The following ASPM variants were observed in gnomAD, a reference collection of about 807,000 sequenced individuals.
ASPM encodes assembly factor for spindle microtubules.
In ASPM, 256 loss-of-function variants were observed where a neutral mutation model predicts 366.4. The observed-to-expected ratio is 0.70, with a 90% CI of 0.63 to 0.77. ASPM has a LOEUF of 0.77. Ranked by LOEUF, ASPM falls within the 30% of genes least tolerant of loss-of-function variation. The probability of loss-of-function intolerance (pLI) is 0.00; values close to 1 mark genes in which losing one functional copy is unlikely to be tolerated. For missense variants in ASPM, 4,146 were observed against 4,090.4 expected (o/e 1.01, Z -0.37); for synonymous variants, 1,414 against 1,342.9 (o/e 1.05, Z -1.16).
chr1:197,132,644 C>T (rs1658297432), intron 6 of ASPM, among the ~76,000 whole-genome samples: 1 of 151,590 alleles, frequency 6.6e-6, no homozygotes, highest in Non-Finnish European at 1.5e-5. Flanking sequence ...GCATTATCCA[C>T]AATATCCAAG....
Position 197,102,112 on chromosome 1 carries a change from T to C in ASPM, c.7139A>G (p.His2380Arg), listed in dbSNP as rs1037713445. Residue 2380 changes from histidine (H) to arginine (R), a missense_variant, in exon 18 of 28, where the codon CAT becomes CGT. His to Arg is a conservative substitution (Grantham distance 29). Coordinates refer to ENST00000367409, the MANE Select transcript of ASPM (RefSeq NM_018136.5). ...ANRAAKLQRQ[H>R]YLRQRHSAVI... is the part of the protein sequence containing the mutation. ...AGCAGAGTGTCTTTGTCTGAGATAA[T>C]GCTGCCTCTGCAGTTTTGCAGCTCT... 1 of 1,612,982 alleles carries C rather than the reference T, an allele frequency of 6.2e-7. No individual in the cohort carries two copies. The highest frequency in any genetic ancestry group is 8.5e-7 in the Non-Finnish European group (1 of 1,179,290).
In ASPM at chr1:197,143,434, T is replaced by C. The variant is rs2125114508; in HGVS notation, c.818A>G (p.Glu273Gly). 9 of 1,614,058 alleles carry C rather than the reference T, an allele frequency of 5.6e-6. No homozygotes were observed. Among genetic ancestry groups the C allele is most frequent in the Non-Finnish European group, 7.6e-6 (9 of 1,179,904 alleles). ...AAAGGAAGTTTCAGTTACAGCTTTC[T>C]CATTAAAAGAAACTTTTGAAACGTT... is the stretch of plus-strand genomic sequence containing the variant. ...SANVSKVSFN[E>G]KAVTETSFNS... Residue 273 changes from glutamate to glycine, a missense_variant, in exon 3 of 28, where the codon GAG (glutamate) becomes GGG (glycine). Physicochemically the swap from Glu to Gly is moderately conservative, Grantham distance 98. Around this residue, in one of 3 missense-constraint regions of ASPM, gnomAD observed 512 missense variants for 471.7 expected, o/e 1.09. Coordinates refer to ENST00000367409, the MANE Select transcript of ASPM (RefSeq NM_018136.5).
chr1:197,125,233 G>A (rs375815194), intron 10 of ASPM, 42 bp from the exon 11 acceptor site: 75 of 1,606,692 alleles, frequency 4.7e-5, no homozygotes, highest in Non-Finnish European at 5.6e-5. Context: ...TCATAAAAAC[G>A]TATATGAAAA....
chr1:197,099,486 A>G (rs1193245959), intron 18 of ASPM, among the ~76,000 whole-genome samples: 2 of 151,612 alleles, frequency 1.3e-5, no homozygotes, highest in Non-Finnish European at 3.0e-5. Context: ...TCAGTGTAAC[A>G]TTTCAACTTA....
At chr1:197,092,915 C>G in intron 21 of ASPM, 137 bp downstream of exon 21, 1 of 792,364 alleles carries the variant, frequency 1.3e-6, no homozygotes, top group Admixed American at 2.5e-5. Context: ...ACTTACCTTT[C>G]TAGCAGCTGA....
intron 7 of ASPM, 60 bp from the exon 8 acceptor site, chr1:197,130,116 G>T: frequency 6.4e-7 from 1 of 1,559,370 alleles, no homozygotes; most frequent in South Asian, 1.1e-5. Context: ...AAAGGGAAGT[G>T]ACTGAGGAAT....
At chr1:197,120,748 A>G (rs1229893846) in intron 16 of ASPM, among the ~76,000 whole-genome samples, 1 of 152,054 alleles carries the variant, frequency 6.6e-6, no homozygotes, top group East Asian at 1.9e-4. Flanking sequence ...TGCTTTAGGA[A>G]AGTTTTCAGG....
In ASPM at chr1:197,102,180, C is replaced by T; in HGVS notation, c.7071G>A (p.Leu2357=). The change falls in exon 18 of 28, where the codon TTG becomes TTA. Residue 2357 remains leucine, a synonymous_variant. Transcript: ENST00000367409. ...MHRLHMRYQA[L]KQASVVIQQQ... ...GTTGGATCACAACGGAGGCCTGTTT[C>T]AAAGCCTGATATCTCATATGTAATC... 1 of 1,612,796 alleles carries T rather than the reference C, an allele frequency of 6.2e-7. No homozygotes were observed. The highest frequency in any genetic ancestry group is 8.5e-7 in the Non-Finnish European group (1 of 1,179,278).
In ASPM at chr1:197,102,070, G is replaced by C. The variant is rs771452256; in HGVS notation, c.7181C>G (p.Ala2394Gly). The C allele has an allele frequency of 6.2e-6, 10 of 1,612,988 alleles. No homozygotes were observed. Among genetic ancestry groups the C allele is most frequent in the Non-Finnish European group, 8.5e-6 (10 of 1,179,320 alleles). ...TCTTCTAGTTTTCATACCCCTGAAT[G>C]CAGCCTGAAGGATCACAGCAGAGTG... Reference protein sequence around the residue: ...QRHSAVILQAAFRGMKTRRHL... With the variant: ...QRHSAVILQAGFRGMKTRRHL... Residue 2394 changes from alanine (A) to glycine (G), a missense_variant, in exon 18 of 28, where the codon GCA (alanine) becomes GGA (glycine). Ala to Gly is a moderately conservative substitution (Grantham distance 60, BLOSUM62 0). Around this residue, in one of 3 missense-constraint regions of ASPM, gnomAD observed 3,624 missense variants for 3,591.7 expected, o/e 1.01. Transcript: ENST00000367409.
Position 197,124,239 on chromosome 1 carries a change from T to TG in ASPM, c.3260dup (p.Cys1088MetfsTer4). The TG allele has an allele frequency of 2.5e-6, 4 of 1,608,824 alleles. No individual in the cohort carries two copies. Among genetic ancestry groups the TG allele is most frequent in the Non-Finnish European group, 3.4e-6 (4 of 1,175,604 alleles). On this transcript the variant is annotated frameshift_variant, in exon 13 of 28. Coordinates refer to ENST00000367409, the MANE Select transcript of ASPM (RefSeq NM_018136.5). LOFTEE classifies it high-confidence loss of function. ...TATTAATAAGATCATCAGAATGGCA[T>TG]GATAGTAGAGATATTGTTTTCTTTA...
Position 197,124,310 on chromosome 1 carries a change from C to G in ASPM, c.3190G>C (p.Asp1064His), listed in dbSNP as rs753605676. Reference sequence around the variant, plus strand: ...AAGGCAATTTCTTCCTTTAATTGATCTAAGTTAAGGGAAATATCCACCTAA... The same window carrying G: ...AAGGCAATTTCTTCCTTTAATTGATGTAAGTTAAGGGAAATATCCACCTAA... Reference protein sequence around the residue: ...AFQVDISLNLDQLKEEIAFLK... With the variant: ...AFQVDISLNLHQLKEEIAFLK... Residue 1064 changes from aspartate (D) to histidine (H), a missense_variant, in exon 13 of 28, where the codon GAT becomes CAT. Coordinates refer to ENST00000367409, the MANE Select transcript of ASPM (RefSeq NM_018136.5). The G allele has an allele frequency of 1.3e-6, 2 of 1,580,742 alleles. No individual in the cohort carries two copies. The highest frequency in any genetic ancestry group is 2.2e-5 in the East Asian group (1 of 44,516).
Position 197,146,372 on chromosome 1 carries a change from C to A in ASPM, c.66G>T (p.Ala22=), listed in dbSNP as rs1286351165. The A allele has an allele frequency of 6.2e-7, 1 of 1,607,798 alleles. No homozygotes were observed. ...CCTCGGCCGCGGGGCCCCGCAGCCC[C>A]GCGGGCGGCCTCCGCTCGGTCGGGC... ...EVSPTERRPP[A]GLRGPAAEEE... Residue 22 remains alanine (A), a synonymous_variant, in exon 1 of 28, where the codon GCG becomes GCT. Transcript: ENST00000367409.
intron 16 of ASPM, among the ~76,000 whole-genome samples, chr1:197,118,358 G>GA (rs1388601559): frequency 6.6e-6 from 1 of 151,924 alleles, no homozygotes; most frequent in African/African-American, 2.4e-5. Context: ...AGGATTGTAT[G>GA]AAAAAAAGAA....
At chr1:197,133,717 C>G in intron 5 of ASPM, 122 bp from the exon 6 acceptor site, 1 of 1,144,094 alleles carries the variant, frequency 8.7e-7, no homozygotes, top group Non-Finnish European at 1.2e-6. Context: ...CCACTCCAAG[C>G]TTACTCCTTA....
chr1:197,094,915 C>G (rs1040380150), intron 19 of ASPM, among the ~76,000 whole-genome samples: 1 of 151,564 alleles, frequency 6.6e-6, no homozygotes, highest in African/African-American at 2.4e-5. Context: ...TCCTTAATAG[C>G]TGATAGTAGC....
At position 197,125,544 on chromosome 1, in the gene ASPM, T is replaced by C. The variant is rs543372493; in HGVS notation, c.2937-353A>G. ...AGGAAGCACATTTATTGGGATGTAC[T>C]ATATTGTACACATCAAGCAAGTGCT... On this transcript the variant is annotated intron_variant, in intron 10 of 27. Coordinates refer to ENST00000367409, the MANE Select transcript of ASPM (RefSeq NM_018136.5). 5.3e-5 allele frequency among the ~76,000 whole-genome samples: 8 copies of C among 152,112 alleles called. 1 individual carries two copies. In the South Asian group the frequency reaches 1.7e-3, roughly 31 times the overall value.
chr1:197,118,012 T>C, intron 16 of ASPM, 29 bp from the exon 17 acceptor site: 2 of 1,579,114 alleles, frequency 1.3e-6, no homozygotes, highest in South Asian at 1.1e-5. Context: ...CAAATGTAAA[T>C]TAAACACTCA....
Position 197,094,084 on chromosome 1 carries a change from TTTTATCATTAAGAAGTG to T in ASPM, c.9067_9083del (p.His3023LysfsTer13). 1 of 1,550,248 alleles carries T rather than the reference TTTTATCATTAAGAAGTG, an allele frequency of 6.5e-7. No individual in the cohort carries two copies. Among genetic ancestry groups the T allele is most frequent in the Non-Finnish European group, 8.8e-7 (1 of 1,130,982 alleles). On this transcript the variant is annotated frameshift_variant and splice_region_variant, in exon 20 of 28. Transcript: ENST00000367409. LOFTEE classifies it high-confidence loss of function. ...AAGTGAATTAATTTTTAATACCTACTTTTATCATTAAGAAGTGTTCATGAGCTATCTTTGCAGGAAGT... is the reference window on the plus strand; with the variant it reads ...AAGTGAATTAATTTTTAATACCTACTTTCATGAGCTATCTTTGCAGGAAGT...
chr1:197,130,201 A>G, intron 7 of ASPM, 145 bp from the exon 8 acceptor site: 1 of 853,978 alleles, frequency 1.2e-6, no homozygotes, highest in Non-Finnish European at 1.9e-6. Context: ...TAACTTCTTT[A>G]AACTATGCAT....
Sources: allele counts gnomAD v4.1 joint callset (sites outside exome capture counted in the v4.1 genomes callset), GRCh38; gene constraint gnomAD v4.1.1; regional missense constraint gnomAD v4.1.1; transcripts MANE v1.5; gene names NCBI Gene and HGNC (gene_info 2026-07-23, HGNC 2026-07-21).